CCDC91: variants seen among roughly 807,000 people sequenced by gnomAD.
CCDC91 encodes the protein coiled-coil domain containing 91, also known as coiled-coil domain-containing protein 91.
A neutral mutation model predicts 63.2 loss-of-function variants in CCDC91; 48 were observed. The observed-to-expected ratio is 0.76, with a 90% confidence interval of 0.60 to 0.97. The LOEUF (loss-of-function observed/expected upper bound fraction) is 0.97, where lower values mean the gene tolerates loss of function less well. Ranked by LOEUF, CCDC91 falls within the 50% of genes least tolerant of loss-of-function variation. The probability of loss-of-function intolerance (pLI) is 0.00; values close to 1 mark genes in which losing one functional copy is unlikely to be tolerated. For synonymous variants in CCDC91, 167 were observed against 165.8 expected (o/e 1.01, Z -0.06); for missense variants, 500 against 494.6 (o/e 1.01, Z -0.10).
chr12:28,420,267 C>T (rs1947921459), intron 8 of CCDC91, among the ~76,000 whole-genome samples: 1 of 152,032 alleles, frequency 6.6e-6, no homozygotes, highest in South Asian at 2.1e-4. Context: ...TTGATACATT[C>T]AAAGCTCTAG....
At chr12:28,441,586 A>G (rs1175178840) in intron 8 of CCDC91, among the ~76,000 whole-genome samples, 1 of 148,930 alleles carries the variant, frequency 6.7e-6, no homozygotes, top group Non-Finnish European at 1.5e-5. Context: ...AGAGCGATGA[A>G]GCCTGTGTGT....
intron 7 of CCDC91, among the ~76,000 whole-genome samples, chr12:28,388,575 G>T (rs992115306): frequency 3.3e-5 from 5 of 152,086 alleles, no homozygotes; most frequent in Admixed American, 2.0e-4. Flanking sequence ...CTTCTACAAG[G>T]AAAACTAGAA....
intron 1 of CCDC91, among the ~76,000 whole-genome samples, chr12:28,213,742 T>G (rs1943389812): frequency 6.6e-6 from 1 of 152,186 alleles, no homozygotes; most frequent in Non-Finnish European, 1.5e-5. Flanking sequence ...ATCAAAGAAC[T>G]CACCTCACAG....
chr12:28,312,745 G>T (rs1939450909), intron 6 of CCDC91, among the ~76,000 whole-genome samples: 1 of 151,990 alleles, frequency 6.6e-6, no homozygotes, highest in Non-Finnish European at 1.5e-5. Context: ...TGAATCATGG[G>T]GATGTGTCTT....
chr12:28,453,307 TTAAA>T (rs1949904878), intron 11 of CCDC91, among the ~76,000 whole-genome samples: 1 of 151,978 alleles, frequency 6.6e-6, no homozygotes, highest in East Asian at 1.9e-4. Context: ...GCAGAAGTAC[TTAAA>T]TAAATCTTCC....
intron 1 of CCDC91, among the ~76,000 whole-genome samples, chr12:28,210,420 C>G (rs570301301): frequency 6.6e-6 from 1 of 152,296 alleles, no homozygotes; most frequent in Non-Finnish European, 1.5e-5. Flanking sequence ...AAACATTACA[C>G]ACACAACACA....
At chr12:28,540,117 C>T (rs1942517429) in intron 12 of CCDC91, among the ~76,000 whole-genome samples, 1 of 152,120 alleles carries the variant, frequency 6.6e-6, no homozygotes, top group Non-Finnish European at 1.5e-5. Flanking sequence ...TAGCAGGTAG[C>T]ACAAGGTGAG....
intron 7 of CCDC91, among the ~76,000 whole-genome samples, chr12:28,366,281 A>C (rs1402749122): frequency 6.6e-6 from 1 of 152,124 alleles, no homozygotes; most frequent in Non-Finnish European, 1.5e-5. Flanking sequence ...GGTTCCCCGG[A>C]TTTTCTTTTT....
intron 8 of CCDC91, among the ~76,000 whole-genome samples, chr12:28,417,620 G>GATATATATATATAT (rs34996637): frequency 1.9e-4 from 27 of 139,780 alleles, no homozygotes; most frequent in African/African-American, 6.6e-4. Flanking sequence ...GAACCTTTGA[G>GATATATATATATAT]ATATATATAT....
intron 1 of CCDC91, among the ~76,000 whole-genome samples, chr12:28,205,186 G>T (rs1268507859): frequency 6.6e-6 from 1 of 152,136 alleles, no homozygotes; most frequent in Middle Eastern, 3.4e-3. Flanking sequence ...AGAGAAAGGA[G>T]AGTGAAGAGA....
intron 11 of CCDC91, among the ~76,000 whole-genome samples, chr12:28,461,108 C>G (rs756550865): frequency 1.3e-5 from 2 of 151,370 alleles, no homozygotes; most frequent in Non-Finnish European, 2.9e-5. Context: ...AAGTGTGTAT[C>G]TAAACAAAAA....
intron 6 of CCDC91, among the ~76,000 whole-genome samples, chr12:28,322,042 AGAAATG>A (rs1940557858): frequency 1.3e-5 from 2 of 151,840 alleles, no homozygotes; most frequent in Non-Finnish European, 2.9e-5. Flanking sequence ...TACAAGCATT[AGAAATG>A]TTTATTTTCT....
rs561722473 is a variant in CCDC91, at chr12:28,413,230, A to T, written c.762+21819A>T. Among the ~76,000 whole-genome samples, 5 of 152,090 alleles carry T rather than the reference A, an allele frequency of 3.3e-5. No homozygotes were observed. The South Asian group carries it at 1.0e-3, about 32-fold the overall frequency. ...GAAATATACATGTTAATAAACTTAC[A>T]TTTTTCTCCTATTAAACATTTTTTT... On this transcript the variant is annotated intron_variant, in intron 8 of 12. Transcript: ENST00000536442.
intron 7 of CCDC91, among the ~76,000 whole-genome samples, chr12:28,370,822 GGAGA>G (rs79914940): frequency 0.2 from 30,611 of 151,410 alleles, 4,020 homozygotes; most frequent in Non-Finnish European, 0.3. Flanking sequence ...CAAGACAGCA[GGAGA>G]GAGAGAGAGA....
intron 7 of CCDC91, among the ~76,000 whole-genome samples, chr12:28,375,376 G>A (rs903165793): frequency 1.3e-5 from 2 of 151,658 alleles, no homozygotes; most frequent in Non-Finnish European, 2.9e-5. Context: ...GGTTGTCTTC[G>A]TATAGATTCT....
intron 6 of CCDC91, among the ~76,000 whole-genome samples, chr12:28,324,687 T>C (rs1343923924): frequency 1.3e-5 from 2 of 151,862 alleles, no homozygotes. Context: ...AAAATAATAA[T>C]AATAATAATA....
intron 1 of CCDC91, among the ~76,000 whole-genome samples, chr12:28,192,500 G>A (rs2121195182): frequency 6.6e-6 from 1 of 152,240 alleles, no homozygotes. Context: ...TTCCTTGAAA[G>A]TTTATCAAAT....
intron 1 of CCDC91, among the ~76,000 whole-genome samples, chr12:28,232,584 G>A (rs1944671901): frequency 6.6e-6 from 1 of 152,080 alleles, no homozygotes; most frequent in Non-Finnish European, 1.5e-5. Context: ...CTGAATTAGA[G>A]GGGAGGAATT....
At chr12:28,488,668 C>G (rs1951846520) in intron 12 of CCDC91, among the ~76,000 whole-genome samples, 1 of 151,722 alleles carries the variant, frequency 6.6e-6, no homozygotes, top group Non-Finnish European at 1.5e-5. Flanking sequence ...TTGAACTTGG[C>G]AGAAATTATC....
Sources: gnomAD v4.1 joint callset for allele counts (sites outside exome capture counted in the v4.1 genomes callset) on GRCh38, gnomAD v4.1.1 for gene constraint, MANE v1.5 for transcripts, NCBI Gene and HGNC (gene_info 2026-07-23, HGNC 2026-07-21) for gene names.